Variants in NUDT21 observed in about 807,000 individuals in gnomAD.
NUDT21 encodes cleavage and polyadenylation specificity factor subunit 5.
A neutral mutation model predicts 29.8 loss-of-function variants in NUDT21; 5 were observed. That is an observed-to-expected ratio of 0.17 (90% CI 0.09 to 0.35). The LOEUF is 0.35. NUDT21 is among the 10% of genes least tolerant of loss of function. NUDT21 has a pLI of 1.00. For synonymous variants in NUDT21, 113 were observed against 98.5 expected, an observed-to-expected ratio of 1.15 and a Z score of -0.87; for missense variants, 76 against 276.0, an observed-to-expected ratio of 0.28 and a Z score of 5.13.
chr16:56,435,090 G>A (rs1167082951), intron 4 of NUDT21: 8 of 270,644 alleles, frequency 3.0e-5, no homozygotes, highest in Non-Finnish European at 4.1e-5. Context: ...AATGAAGTCC[G>A]ATTTTAATTA....
chr16:56,431,159 C>A lies in NUDT21; in HGVS notation c.*1553G>T, dbSNP rs1207993967. 1.3e-5 allele frequency: 2 copies of A among 152,184 alleles called. No individual in the cohort carries two copies. The highest frequency in any genetic ancestry group is 4.8e-5 in the African/African-American group (2 of 41,440). The allele number at this position is 152,184 out of a possible 1,614,324, so 9.4% of individuals were successfully genotyped here. Reference sequence around the variant, plus strand: ...CACTTCCTCCAATCTAAAGGAATAGCTGAAGGACGCAGCTAATGGATGAGC... The same window carrying A: ...CACTTCCTCCAATCTAAAGGAATAGATGAAGGACGCAGCTAATGGATGAGC... On this transcript the variant is annotated 3_prime_UTR_variant, in exon 7 of 7. Transcript: ENST00000300291.
Position 56,447,835 on chromosome 16 carries a change from G to A in NUDT21, c.271C>T (p.Leu91=). ...EGVLIVHEHR[L]PHVLLLQLGT... ...AGCTGCAGCAGTAACACATGGGGTA[G>A]CCGGTGCTCATGTACAATCAGAACC... Residue 91 remains leucine (L), a synonymous_variant, in exon 2 of 7, where the codon CTA becomes TTA. Transcript: ENST00000300291. The A allele has an allele frequency of 6.2e-7, 1 of 1,614,048 alleles. No individual in the cohort carries two copies. The highest frequency in any genetic ancestry group is 8.5e-7 in the Non-Finnish European group (1 of 1,179,960).
intron 3 of NUDT21, 186 bp downstream of exon 3, chr16:56,446,440 T>C: frequency 2.0e-6 from 1 of 512,186 alleles, no homozygotes; most frequent in Non-Finnish European, 3.4e-6. Flanking sequence ...CAGTTTAACA[T>C]TTTAAAAATT....
At chr16:56,435,063 T>G in intron 4 of NUDT21, 1 of 333,812 alleles carries the variant, frequency 3.0e-6, no homozygotes, top group Non-Finnish European at 5.4e-6. Flanking sequence ...ATTTATAGCT[T>G]GAGATACTTA....
intron 4 of NUDT21, 34 bp from the exon 5 acceptor site, chr16:56,434,863 ATTCCATGGC>A: frequency 8.1e-7 from 1 of 1,235,870 alleles, no homozygotes. Flanking sequence ...TTTAATATGT[ATTCCATGGC>A]TTCATTTCTT....
rs879661398 is a variant in NUDT21, at chr16:56,431,316, C to CATGGAGACTGGTGCTCACCTACCATG, written c.*1370_*1395dup. The stretch of plus-strand genomic sequence containing the variant: ...CAAAGGAAACTGGGGCATTTTTGAT[C>CATGGAGACTGGTGCTCACCTACCATG]ATGGAGACTGGTGCTCACCTACCAT... On this transcript the variant is annotated 3_prime_UTR_variant, in exon 7 of 7. Coordinates refer to ENST00000300291, the MANE Select transcript of NUDT21 (RefSeq NM_007006.3). 1 of 152,208 alleles carries CATGGAGACTGGTGCTCACCTACCATG rather than the reference C, an allele frequency of 6.6e-6. No individual in the cohort carries two copies. The highest frequency in any genetic ancestry group is 1.5e-5 in the Non-Finnish European group (1 of 68,054). The allele number at this position is 152,208 out of a possible 1,614,324, so 9.4% of individuals were successfully genotyped here.
chr16:56,445,837 A>G (rs1962212217), intron 3 of NUDT21, among the ~76,000 whole-genome samples: 2 of 152,214 alleles, frequency 1.3e-5, no homozygotes, highest in African/African-American at 2.4e-5. Context: ...CATTATATAA[A>G]TGGAAGTCCA....
rs1962012168 is a variant in NUDT21 at position 56,429,753 on chromosome 16, C to G, written c.*2959G>C. ...AAGCCTTCTTTGGCAATGAAACATA[C>G]AAAATTGCAAACTCTGATGCAGTCT... On this transcript the variant is annotated 3_prime_UTR_variant, in exon 7 of 7. Transcript: ENST00000300291. 1.3e-5 allele frequency: 2 copies of G among 152,112 alleles called. No individual in the cohort carries two copies. The highest frequency in any genetic ancestry group is 1.3e-4 in the Admixed American group (2 of 15,280). The allele number at this position is 152,112 out of a possible 1,614,324, so 9.4% of individuals were successfully genotyped here. A position where few individuals can be genotyped will look rare whatever the true frequency, so the allele number is the denominator to read the frequency against.
rs1962005952 is a variant in NUDT21, at chr16:56,429,326, C to T, written c.*3386G>A. ...ATGCTTGAATACTATGATGTGAACA[C>T]AATAACCAAAAGTTTAAATTTCTAA... On this transcript the variant is annotated 3_prime_UTR_variant, in exon 7 of 7. Coordinates refer to ENST00000300291, the MANE Select transcript of NUDT21 (RefSeq NM_007006.3). 1 of 152,174 alleles carries T rather than the reference C, an allele frequency of 6.6e-6. No homozygotes were observed. The highest frequency in any genetic ancestry group is 6.5e-5 in the Admixed American group (1 of 15,280). The allele number at this position is 152,174 out of a possible 1,614,324, so 9.4% of individuals were successfully genotyped here. A position where few individuals can be genotyped will look rare whatever the true frequency, so the allele number is the denominator to read the frequency against.
chr16:56,446,713 G>A, intron 2 of NUDT21, 24 bp from the exon 3 acceptor site: 2 of 1,465,406 alleles, frequency 1.4e-6, no homozygotes, highest in East Asian at 2.3e-5. Flanking sequence ...AAGAATTTCA[G>A]CTTTCAACTT....
At chr16:56,439,604 T>C in intron 4 of NUDT21, 53 bp downstream of exon 4, 1 of 1,170,524 alleles carries the variant, frequency 8.5e-7, no homozygotes, top group South Asian at 1.2e-5. Flanking sequence ...GTGGCTAGAA[T>C]TAAACGAGCT....
At chr16:56,445,559 T>C (rs1223319379) in intron 3 of NUDT21, among the ~76,000 whole-genome samples, 1 of 152,236 alleles carries the variant, frequency 6.6e-6, no homozygotes, top group African/African-American at 2.4e-5. Flanking sequence ...ATACACAACC[T>C]GTATAAATAT....
At chr16:56,442,983 A>T (rs1962176890) in intron 3 of NUDT21, among the ~76,000 whole-genome samples, 1 of 152,092 alleles carries the variant, frequency 6.6e-6, no homozygotes, top group Non-Finnish European at 1.5e-5. Context: ...TCTCACCAAG[A>T]ATATTAATCA....
At chr16:56,449,194 G>A (rs1962250615) in intron 1 of NUDT21, 1 of 152,220 alleles carries the variant, frequency 6.6e-6, no homozygotes, top group South Asian at 2.1e-4. Context: ...ATTAAGGATA[G>A]CCATTACACA....
In NUDT21 at chr16:56,451,249, G is replaced by T. The variant is rs1962311131; in HGVS notation, c.-47C>A. 1 of 1,421,492 alleles carries T rather than the reference G, an allele frequency of 7.0e-7. No homozygotes were observed. The highest frequency in any genetic ancestry group is 9.7e-7 in the Non-Finnish European group (1 of 1,031,680). The allele number at this position is 1,421,492 out of a possible 1,614,324, so 88.1% of individuals were successfully genotyped here. ...CGGCGAGCAGAAAGTGGCAGGCAGG[G>T]TAGACTTTCCCCGTGCGGGAAGCGG... On this transcript the variant is annotated 5_prime_UTR_variant, in exon 1 of 7. Coordinates refer to ENST00000300291, the MANE Select transcript of NUDT21 (RefSeq NM_007006.3).
chr16:56,447,443 T>C (rs1479458242), intron 2 of NUDT21, among the ~76,000 whole-genome samples: 1 of 152,214 alleles, frequency 6.6e-6, no homozygotes, highest in African/African-American at 2.4e-5. Flanking sequence ...ACCTAAGTCA[T>C]CTTAAGAACA....
At chr16:56,450,717 C>A (rs1430275330) in intron 1 of NUDT21, among the ~76,000 whole-genome samples, 1 of 152,178 alleles carries the variant, frequency 6.6e-6, no homozygotes, top group Non-Finnish European at 1.5e-5. Flanking sequence ...TCAACACTCA[C>A]AAAGCAATAC....
intron 3 of NUDT21, 24 bp from the exon 4 acceptor site, chr16:56,439,770 A>G (rs762564005): frequency 6.4e-7 from 1 of 1,563,086 alleles, no homozygotes; most frequent in Non-Finnish European, 8.8e-7. Context: ...ATAAGCCAGT[A>G]AACAACTAAA....
At chr16:56,446,088 C>T (rs578213959) in intron 3 of NUDT21, among the ~76,000 whole-genome samples, 1 of 152,272 alleles carries the variant, frequency 6.6e-6, no homozygotes, top group Admixed American at 6.5e-5. Flanking sequence ...TCCTCAGTAT[C>T]TATGCATTTG....
Sources: allele counts gnomAD v4.1 joint callset (sites outside exome capture counted in the v4.1 genomes callset), GRCh38; gene constraint gnomAD v4.1.1; transcripts MANE v1.5; gene names NCBI Gene and HGNC (gene_info 2026-07-23, HGNC 2026-07-21).